The following GOLGA4 variants were observed in gnomAD, a reference collection of about 807,000 sequenced individuals.
GOLGA4 encodes the protein golgin A4, also known as golgin subfamily A member 4.
In GOLGA4, 169 loss-of-function variants were observed where a neutral mutation model predicts 265.9. The ratio of observed to expected loss-of-function variants is 0.64; its 90% confidence interval spans 0.56 to 0.72. GOLGA4 has a LOEUF of 0.72. Among genes scored for constraint, GOLGA4 ranks in the 30% least tolerant of loss-of-function variants. GOLGA4 has a pLI of 0.00. For missense variants in GOLGA4, 2,482 were observed against 2,483.4 expected, an observed-to-expected ratio of 1.00 and a Z score of 0.01; for synonymous variants, 923 against 855.8, an observed-to-expected ratio of 1.08 and a Z score of -1.37.
At chr3:37,289,373 C>A in intron 5 of GOLGA4, 82 bp downstream of exon 5, 2 of 829,520 alleles carry the variant, frequency 2.4e-6, no homozygotes. Flanking sequence ...AGGGTAGTTT[C>A]ATATGCATCT....
At chr3:37,331,870 C>T (rs1023293368) in intron 16 of GOLGA4, among the ~76,000 whole-genome samples, 8 of 152,122 alleles carry the variant, frequency 5.3e-5, no homozygotes, top group African/African-American at 1.9e-4. Flanking sequence ...ATTAAATCTG[C>T]TTCTCTCCCC....
intron 20 of GOLGA4, among the ~76,000 whole-genome samples, chr3:37,341,300 A>G (rs2097033240): frequency 6.6e-6 from 1 of 152,174 alleles, no homozygotes; most frequent in Non-Finnish European, 1.5e-5. Flanking sequence ...TCCATTCTCT[A>G]AAGTTCAATT....
At chr3:37,276,561 T>TCA in intron 2 of GOLGA4, 1 of 1,596,254 alleles carries the variant, frequency 6.3e-7, no homozygotes, top group Non-Finnish European at 8.6e-7. Context: ...ACATTTGTTG[T>TCA]CTGTAATGAA....
intron 2 of GOLGA4, among the ~76,000 whole-genome samples, chr3:37,268,296 C>T (rs1578417521): frequency 1.3e-5 from 2 of 152,028 alleles, no homozygotes; most frequent in African/African-American, 4.8e-5. Context: ...ATTGCTCAGA[C>T]TCATCTTGAA....
chr3:37,286,861 T>C (rs1038176140), intron 4 of GOLGA4, among the ~76,000 whole-genome samples: 1 of 152,198 alleles, frequency 6.6e-6, no homozygotes, highest in South Asian at 2.1e-4. Flanking sequence ...TGATTAAGTA[T>C]GTAGGGATAA....
Position 37,296,164 on chromosome 3 carries a change from A to C in GOLGA4, c.759A>C (p.Pro253=). Residue 253 remains proline (P), a synonymous_variant, in exon 7 of 24, where the codon CCA becomes CCC. Coordinates refer to ENST00000361924, the MANE Select transcript of GOLGA4 (RefSeq NM_002078.5). ...TGAAACCACTTCCTCAGCTGGAACC[A>C]CAGGCTGAAGTCTTCACTAAAGAAG... ...DVLKPLPQLE[P]QAEVFTKEEN... The C allele has an allele frequency of 6.2e-7, 1 of 1,613,416 alleles. No individual in the cohort carries two copies. Among genetic ancestry groups the C allele is most frequent in the South Asian group, 1.1e-5 (1 of 91,074 alleles).
chr3:37,277,651 A>G (rs1275925537), intron 2 of GOLGA4, among the ~76,000 whole-genome samples: 1 of 152,226 alleles, frequency 6.6e-6, no homozygotes, highest in East Asian at 1.9e-4. Flanking sequence ...CAAACTGAAT[A>G]TATGGGCTAT....
At position 37,326,803 on chromosome 3, in the gene GOLGA4, G is replaced by A; in HGVS notation, c.4917G>A (p.Glu1639=). ...LESESAAKLA[E]LKRKAEQKIA... is the part of the protein sequence containing the mutation. ...CAGAAAGTGCTGCAAAATTAGCAGA[G>A]TTGAAGAGAAAAGCTGAACAAAAAA... is the stretch of plus-strand genomic sequence containing the variant. Residue 1639 remains glutamate, a synonymous_variant, in exon 14 of 24, where the codon GAG becomes GAA. Coordinates refer to ENST00000361924, the MANE Select transcript of GOLGA4 (RefSeq NM_002078.5). 3 of 1,613,868 alleles carry A rather than the reference G, an allele frequency of 1.9e-6. No individual in the cohort carries two copies. The highest frequency in any genetic ancestry group is 2.5e-6 in the Non-Finnish European group (3 of 1,179,834).
chr3:37,321,981 G>A (rs2096956274), intron 13 of GOLGA4, 95 bp downstream of exon 13: 2 of 982,504 alleles, frequency 2.0e-6, no homozygotes, highest in South Asian at 3.4e-5. Flanking sequence ...GAAGATTACT[G>A]GATTAGATTT....
intron 7 of GOLGA4, among the ~76,000 whole-genome samples, chr3:37,296,700 A>G (rs2096879378): frequency 1.3e-5 from 2 of 152,012 alleles, no homozygotes; most frequent in African/African-American, 4.8e-5. Flanking sequence ...CCTCCCGAGT[A>G]GCTGGGATTA....
chr3:37,280,914 C>T (rs927443132), intron 2 of GOLGA4, among the ~76,000 whole-genome samples: 3 of 152,136 alleles, frequency 2.0e-5, no homozygotes, highest in African/African-American at 4.8e-5. Flanking sequence ...CTCTAGAATC[C>T]GTGAGCAAAA....
chr3:37,315,430 A>G lies in GOLGA4; in HGVS notation c.1245A>G (p.Glu415=), dbSNP rs1389300396. ...TTGTTTTCATTATAGCTTTTGAGGA[A>G]CTTGAAAAAGCTTTGAGTACAGCCC... ...KEKSERAAFE[E]LEKALSTAQK... Residue 415 remains glutamate, a synonymous_variant, in exon 11 of 24, where the codon GAA becomes GAG. Transcript: ENST00000361924. 3.1e-6 allele frequency: 5 copies of G among 1,610,588 alleles called. No individual in the cohort carries two copies. The Admixed American group carries it at 5.1e-5, about 16-fold the overall frequency.
chr3:37,344,197 G>A (rs1360994333), intron 20 of GOLGA4, among the ~76,000 whole-genome samples: 2 of 152,224 alleles, frequency 1.3e-5, no homozygotes, highest in Non-Finnish European at 2.9e-5. Flanking sequence ...TGCCTCCTGG[G>A]TTCAAGCGAT....
chr3:37,266,795 C>A, intron 2 of GOLGA4: 3 of 901,094 alleles, frequency 3.3e-6, no homozygotes, highest in Non-Finnish European at 4.7e-6. Context: ...TGTTTTTCAT[C>A]ATTTGTTTTA....
chr3:37,293,991 C>T (rs916648141), intron 5 of GOLGA4, among the ~76,000 whole-genome samples: 3 of 152,156 alleles, frequency 2.0e-5, no homozygotes, highest in Admixed American at 2.0e-4. Flanking sequence ...AGAAAAAGCC[C>T]TGTAAAAATA....
At chr3:37,255,999 C>T (rs2096747618) in intron 2 of GOLGA4, among the ~76,000 whole-genome samples, 2 of 152,120 alleles carry the variant, frequency 1.3e-5, no homozygotes, top group Non-Finnish European at 2.9e-5. Context: ...ACCTGTAGTC[C>T]CAGCTACTCA....
At chr3:37,336,697 G>A (rs2097014087) in intron 17 of GOLGA4, among the ~76,000 whole-genome samples, 1 of 152,046 alleles carries the variant, frequency 6.6e-6, no homozygotes, top group South Asian at 2.1e-4. Flanking sequence ...CTTGAACCCG[G>A]GAAGGAGGTT....
chr3:37,336,203 ATTTTC>A (rs1466614806), intron 17 of GOLGA4, among the ~76,000 whole-genome samples: 2 of 151,824 alleles, frequency 1.3e-5, no homozygotes, highest in Admixed American at 6.6e-5. Flanking sequence ...TTCTGTTTAA[ATTTTC>A]TTTACTTTCT....
At chr3:37,313,071 C>T (rs1040964394) in intron 10 of GOLGA4, among the ~76,000 whole-genome samples, 4 of 152,034 alleles carry the variant, frequency 2.6e-5, no homozygotes, top group African/African-American at 9.7e-5. Flanking sequence ...GGTCTGGTGG[C>T]GGGCACCTGT....
Sources: gnomAD v4.1 joint callset for allele counts (sites outside exome capture counted in the v4.1 genomes callset) on GRCh38, gnomAD v4.1.1 for gene constraint, MANE v1.5 for transcripts, NCBI Gene and HGNC (gene_info 2026-07-23, HGNC 2026-07-21) for gene names.